Variants in TSHR observed in about 807,000 individuals in gnomAD.
TSHR encodes the protein thyrotropin receptor.
TSHR carries 51 observed loss-of-function variants against 64.1 expected under a neutral mutation model. That is an observed-to-expected ratio of 0.80 (90% CI 0.64 to 1.01). The LOEUF (loss-of-function observed/expected upper bound fraction) is 1.01. Among genes scored for constraint, TSHR ranks in the 50% least tolerant of loss-of-function variants. The pLI is 0.00. For missense variants in TSHR, 877 were observed against 942.8 expected (o/e 0.93, Z 0.91); for synonymous variants, 361 against 361.9 (o/e 1.00, Z 0.03).
At chr14:81,085,435 C>G (rs1485768788) in intron 3 of TSHR, among the ~76,000 whole-genome samples, 1 of 152,162 alleles carries the variant, frequency 6.6e-6, no homozygotes, top group Non-Finnish European at 1.5e-5. Context: ...TGTGGGGTCT[C>G]TCATTCATCT....
At chr14:81,071,230 A>G (rs1013536724) in intron 3 of TSHR, among the ~76,000 whole-genome samples, 11 of 152,330 alleles carry the variant, frequency 7.2e-5, no homozygotes, top group African/African-American at 1.7e-4. Flanking sequence ...ACATACTGTA[A>G]TTGTCAACAT....
chr14:80,996,225 T>C lies in TSHR; in HGVS notation c.170+40375T>C, dbSNP rs543100885. 3.3e-5 allele frequency among the ~76,000 whole-genome samples: 5 copies of C among 152,282 alleles called. No homozygotes were observed. The South Asian group carries it at 1.0e-3, about 32-fold the overall frequency. ...TAACCGGATCAATCATTCTTACTCC[T>C]GTCAAGCTTTCAATTACATTCCAGA... On this transcript the variant is annotated intron_variant, in intron 1 of 9. Transcript: ENST00000298171.
chr14:81,006,362 C>T (rs1481238975), intron 1 of TSHR, among the ~76,000 whole-genome samples: 2 of 152,088 alleles, frequency 1.3e-5, no homozygotes, highest in South Asian at 2.1e-4. Context: ...CTTGTCTTGC[C>T]CATGGCCTCC....
intron 8 of TSHR, among the ~76,000 whole-genome samples, chr14:81,134,373 T>C (rs1461703847): frequency 6.6e-6 from 1 of 152,032 alleles, no homozygotes; most frequent in East Asian, 1.9e-4. Context: ...CAACCTCAGG[T>C]GATCCACCCG....
chr14:80,989,382 A>T (rs2139737384), intron 1 of TSHR, among the ~76,000 whole-genome samples: 1 of 152,290 alleles, frequency 6.6e-6, no homozygotes, highest in African/African-American at 2.4e-5. Flanking sequence ...GGGTCAATGA[A>T]TATCCGTTAA....
chr14:81,126,417 T>G (rs1178808938), intron 8 of TSHR, among the ~76,000 whole-genome samples: 4 of 152,222 alleles, frequency 2.6e-5, no homozygotes, highest in African/African-American at 9.6e-5. Context: ...TCATGCATTT[T>G]ATATTAGGGG....
chr14:81,018,086 A>C (rs118073228), intron 1 of TSHR, among the ~76,000 whole-genome samples: 1,803 of 152,142 alleles, frequency 0.012, 22 homozygotes, highest in African/African-American at 0.016. Flanking sequence ...CTACCTCGGC[A>C]TCCCAAAGTG....
chr14:80,956,524 G>C (rs8009058), intron 1 of TSHR, among the ~76,000 whole-genome samples: 44,344 of 152,128 alleles, frequency 0.29, 9,592 homozygotes, highest in African/African-American at 0.61. Flanking sequence ...TGTTAAATAA[G>C]ATTATACACA....
intron 3 of TSHR, among the ~76,000 whole-genome samples, chr14:81,071,343 G>C (rs1737515775): frequency 6.6e-6 from 1 of 152,148 alleles, no homozygotes; most frequent in African/African-American, 2.4e-5. Flanking sequence ...AGTTACAATA[G>C]AATATCTTTT....
At chr14:81,051,697 C>G (rs1885441747) in intron 1 of TSHR, 1 of 152,272 alleles carries the variant, frequency 6.6e-6, no homozygotes, top group South Asian at 2.1e-4. Context: ...CTTGCCAACA[C>G]TAGCTAGCAT....
chr14:81,094,868 T>C (rs1171396924), intron 6 of TSHR, among the ~76,000 whole-genome samples: 1 of 152,026 alleles, frequency 6.6e-6, no homozygotes, highest in Admixed American at 6.5e-5. Context: ...GTTAAATATA[T>C]AGTTATTTGA....
intron 1 of TSHR, among the ~76,000 whole-genome samples, chr14:80,997,804 G>A (rs1889102828): frequency 6.6e-6 from 1 of 152,164 alleles, no homozygotes; most frequent in African/African-American, 2.4e-5. Flanking sequence ...TACAGGACAG[G>A]GCAGGTTAGT....
At chr14:81,114,427 C>A (rs1399261829) in intron 8 of TSHR, among the ~76,000 whole-genome samples, 1 of 152,226 alleles carries the variant, frequency 6.6e-6, no homozygotes, top group African/African-American at 2.4e-5. Flanking sequence ...CAGACGGCAA[C>A]TGGAAAATCG....
intron 6 of TSHR, among the ~76,000 whole-genome samples, chr14:81,096,089 T>C (rs1423662259): frequency 4.6e-5 from 7 of 152,052 alleles, no homozygotes. Flanking sequence ...CTATCTACTT[T>C]CTTAGATTCA....
Position 81,037,448 on chromosome 14 carries a change from A to AAAAAAAAC in TSHR, c.171-24698_171-24697insAAAAACAA, listed in dbSNP as rs1273226258. Among the ~76,000 whole-genome samples the AAAAAAAAC allele has an allele frequency of 1.3e-4, 17 of 128,472 alleles. 1 individual carries two copies. Among genetic ancestry groups the AAAAAAAAC allele is most frequent in the East Asian group, 7.1e-4 (3 of 4,202 alleles). The allele number at this position is 128,472 out of a possible 152,430, so 84.3% of individuals were successfully genotyped here. On this transcript the variant is annotated intron_variant, in intron 1 of 9. Transcript: ENST00000298171. The stretch of plus-strand genomic sequence containing the variant: ...ACAAACAAACAAACAAACAAACAAA[A>AAAAAAAAC]AACAGAAAATGATCTAACAAAATGT...
intron 1 of TSHR, among the ~76,000 whole-genome samples, chr14:81,019,954 T>G (rs550726098): frequency 6.6e-6 from 1 of 152,248 alleles, no homozygotes; most frequent in Non-Finnish European, 1.5e-5. Context: ...GAATGACTTA[T>G]AATCCTTTGG....
chr14:81,111,356 G>A (rs1015331221), intron 8 of TSHR, among the ~76,000 whole-genome samples: 6 of 152,334 alleles, frequency 3.9e-5, no homozygotes, highest in East Asian at 3.9e-4. Flanking sequence ...GGCACCATAC[G>A]TTGAGTAGCA....
chr14:81,145,145 G>A lies in TSHR; in HGVS notation c.*792G>A. 1 of 233,148 alleles carries A rather than the reference G, an allele frequency of 4.3e-6. No homozygotes were observed. Among genetic ancestry groups the A allele is most frequent in the Non-Finnish European group, 8.5e-6 (1 of 118,006 alleles). The allele number at this position is 233,148 out of a possible 1,614,324, so 14.4% of individuals were successfully genotyped here. The stretch of plus-strand genomic sequence containing the variant: ...TAGCAATAAGTGGGAATTATGGGCA[G>A]AGCACACTCAATCCCCTGTTGATTA... On this transcript the variant is annotated 3_prime_UTR_variant, in exon 10 of 10. Coordinates refer to ENST00000298171, the MANE Select transcript of TSHR (RefSeq NM_000369.5).
At chr14:80,990,660 ATT>A (rs35708128) in intron 1 of TSHR, among the ~76,000 whole-genome samples, 1 of 149,766 alleles carries the variant, frequency 6.7e-6, no homozygotes, top group Non-Finnish European at 1.5e-5. Context: ...CTGAAACAGA[ATT>A]TTTTTTTTTT....
Sources: allele counts gnomAD v4.1 joint callset (sites outside exome capture counted in the v4.1 genomes callset), GRCh38; gene constraint gnomAD v4.1.1; transcripts MANE v1.5; gene names NCBI Gene and HGNC (gene_info 2026-07-23, HGNC 2026-07-21).